The following SYNE2 variants were observed in gnomAD, a reference collection of about 807,000 sequenced individuals.
SYNE2 encodes the protein spectrin repeat containing nuclear envelope protein 2.
Under a neutral mutation model 856.3 loss-of-function variants are expected in SYNE2, and 431 were observed. The observed-to-expected ratio is 0.50, with a 90% CI of 0.47 to 0.55. The LOEUF (loss-of-function observed/expected upper bound fraction) is 0.55, where lower values mean the gene tolerates loss of function less well. SYNE2 is among the 20% of genes least tolerant of loss of function. The probability of loss-of-function intolerance (pLI) is 0.00; values close to 1 mark genes in which losing one functional copy is unlikely to be tolerated. For missense variants in SYNE2, 8,129 were observed against 8,023.2 expected (o/e 1.01, Z -0.50); for synonymous variants, 2,923 against 2,872.3 (o/e 1.02, Z -0.56).
intron 64 of SYNE2, among the ~76,000 whole-genome samples, chr14:64,103,971 C>A (rs2097754931): frequency 6.6e-6 from 1 of 152,220 alleles, no homozygotes; most frequent in Non-Finnish European, 1.5e-5. Context: ...TATGACTTAG[C>A]ACATTTTTAT....
upstream of SYNE2, among the ~76,000 whole-genome samples, chr14:63,851,589 G>A (rs2139962608): frequency 6.6e-6 from 1 of 152,268 alleles, no homozygotes; most frequent in East Asian, 1.9e-4. Context: ...GAATCATCCT[G>A]GTAGTCACAG....
At chr14:64,178,026 A>G (rs1170120710) in intron 96 of SYNE2, among the ~76,000 whole-genome samples, 2 of 152,208 alleles carry the variant, frequency 1.3e-5, no homozygotes, top group African/African-American at 4.8e-5. Context: ...GGGCCAGGAA[A>G]ATTCCCAGGT....
Position 64,010,057 on chromosome 14 carries a change from GTCA to G in SYNE2, c.4672_4674del (p.Ile1558del), listed in dbSNP as rs2096831490. 1 of 1,614,042 alleles carries G rather than the reference GTCA, an allele frequency of 6.2e-7. No individual in the cohort carries two copies. The highest frequency in any genetic ancestry group is 8.5e-7 in the Non-Finnish European group (1 of 1,179,960). On this transcript the variant is annotated inframe_deletion, in exon 32 of 116. Coordinates refer to ENST00000555002, the MANE Select transcript of SYNE2 (RefSeq NM_182914.3). ...AACTTTGATTCAAAAAGAAGAGAGT[GTCA>G]TCTCCCTGCAGGCTTCGTACATGGG...
chr14:63,954,664 G>T, intron 7 of SYNE2, 55 bp from the exon 8 acceptor site: 1 of 1,469,616 alleles, frequency 6.8e-7, no homozygotes, highest in Non-Finnish European at 9.5e-7. Context: ...ATAGTGGAGG[G>T]GGGTGTTACG....
chr14:64,125,346 A>C, intron 71 of SYNE2, 136 bp downstream of exon 71: 3 of 1,292,500 alleles, frequency 2.3e-6, no homozygotes, highest in Non-Finnish European at 3.2e-6. Flanking sequence ...AGGATTGCAA[A>C]TTGAATTGAT....
chr14:64,191,515 A>G (rs2098518738), intron 99 of SYNE2, among the ~76,000 whole-genome samples: 1 of 152,178 alleles, frequency 6.6e-6, no homozygotes, highest in Non-Finnish European at 1.5e-5. Context: ...ACAGGTACAG[A>G]ATAGAGCAGC....
chr14:63,824,227 T>TA (rs765564363), intron 1 of SYNE2, among the ~76,000 whole-genome samples: 4 of 152,066 alleles, frequency 2.6e-5, no homozygotes, highest in Non-Finnish European at 5.9e-5. Context: ...TAGTCCCAGC[T>TA]ACTTGGGAGG....
chr14:63,925,628 A>G (rs1333741011), intron 2 of SYNE2, among the ~76,000 whole-genome samples: 1 of 152,082 alleles, frequency 6.6e-6, no homozygotes, highest in African/African-American at 2.4e-5. Context: ...TTTTGCACCC[A>G]TTAACTATCT....
chr14:64,063,121 G>T (rs1297481819), intron 50 of SYNE2, among the ~76,000 whole-genome samples: 1 of 152,190 alleles, frequency 6.6e-6, no homozygotes, highest in Non-Finnish European at 1.5e-5. Context: ...TTGGCTCACT[G>T]CAGCTTCTAC....
intron 94 of SYNE2, among the ~76,000 whole-genome samples, chr14:64,171,874 G>A (rs537325514): frequency 2.0e-5 from 3 of 152,010 alleles, no homozygotes; most frequent in East Asian, 1.9e-4. Context: ...TTTTTGGGAC[G>A]GAGTCTCACT....
rs147797429 is a variant in SYNE2 at position 63,930,533 on chromosome 14, C to CTTT, written c.80-10066_80-10064dup. Among the ~76,000 whole-genome samples the CTTT allele has an allele frequency of 7.4e-3, 953 of 128,484 alleles. 7 individuals carry two copies. The highest frequency in any genetic ancestry group is 0.027 in the African/African-American group (771 of 28,468). 84.3% of individuals were successfully genotyped at this position (128,484 alleles called of 152,430 possible). A position where few individuals can be genotyped will look rare whatever the true frequency, so the allele number is the denominator to read the frequency against. ...ATCACTATCCTTTATCATTATCCTT[C>CTTT]TTTTTTTTTTTTTTTTTAAAGACAG... On this transcript the variant is annotated intron_variant, in intron 2 of 115. Coordinates refer to ENST00000555002, the MANE Select transcript of SYNE2 (RefSeq NM_182914.3).
intron 37 of SYNE2, 55 bp downstream of exon 37, chr14:64,022,083 G>A: frequency 6.5e-7 from 1 of 1,540,754 alleles, no homozygotes. Flanking sequence ...TATGAATGTA[G>A]TACTGTGAAC....
intron 45 of SYNE2, among the ~76,000 whole-genome samples, chr14:64,038,635 GCTGGAGACCAGCC>G (rs1274819704): frequency 3.3e-5 from 5 of 152,252 alleles, no homozygotes; most frequent in African/African-American, 1.2e-4. Flanking sequence ...GCGGTTAGGA[GCTGGAGACCAGCC>G]CGGCCAACAC....
Position 64,051,648 on chromosome 14 carries a change from A to T in SYNE2, c.7735A>T (p.Ile2579Phe), listed in dbSNP as rs2097228007. 4 of 1,614,190 alleles carry T rather than the reference A, an allele frequency of 2.5e-6. No homozygotes were observed. Among genetic ancestry groups the T allele is most frequent in the Non-Finnish European group, 3.4e-6 (4 of 1,180,018 alleles). ...KEKDSLGNLKIKWENLSNHVT... is the reference protein window; with the variant it reads ...KEKDSLGNLKFKWENLSNHVT... ...GAAAGATTCTTTAGGCAACTTGAAA[A>T]TCAAATGGGAGAATTTATCAAACCA... Residue 2579 changes from isoleucine (I) to phenylalanine (F), a missense_variant, in exon 48 of 116, where the codon ATC becomes TTC. Ile to Phe is a conservative substitution (Grantham distance 21). This residue lies in a region of SYNE2 where 5,410 missense variants were observed against 5,284.8 expected (regional missense o/e 1.02). Coordinates refer to ENST00000555002, the MANE Select transcript of SYNE2 (RefSeq NM_182914.3).
chr14:64,023,004 G>GT (rs1567079015), intron 38 of SYNE2, 141 bp downstream of exon 38: 1 of 637,980 alleles, frequency 1.6e-6, no homozygotes, highest in African/African-American at 1.8e-5. Flanking sequence ...TGAGGCTGGT[G>GT]GATCACTTGA....
Position 64,025,380 on chromosome 14 carries a change from G to A in SYNE2, c.6211G>A (p.Glu2071Lys), listed in dbSNP as rs551783338. 2.5e-6 allele frequency: 4 copies of A among 1,613,596 alleles called. No individual in the cohort carries two copies. Among genetic ancestry groups the A allele is most frequent in the Middle Eastern group, 1.7e-4 (1 of 6,058 alleles). ...KESLMVLNSSEGKMPLEERIQ... is the reference protein window; with the variant it reads ...KESLMVLNSSKGKMPLEERIQ... ...GTCCCTTATGGTTTTGAATTCATCCGAAGGCAAAATGCCACTTGAGGAAAG... is the reference window on the plus strand; with the variant it reads ...GTCCCTTATGGTTTTGAATTCATCCAAAGGCAAAATGCCACTTGAGGAAAG... Residue 2071 changes from glutamate to lysine, a missense_variant, in exon 41 of 116, where the codon GAA (glutamate) becomes AAA (lysine). Around this residue, in one of 3 missense-constraint regions of SYNE2, gnomAD observed 297 missense variants for 380.9 expected, o/e 0.78. Coordinates refer to ENST00000555002, the MANE Select transcript of SYNE2 (RefSeq NM_182914.3).
intron 114 of SYNE2, 51 bp downstream of exon 114, chr14:64,224,598 C>G (rs377489745): frequency 4.6e-4 from 736 of 1,600,012 alleles, no homozygotes; most frequent in Non-Finnish European, 6.2e-4. Context: ...TTTTTAAAGT[C>G]ACTAAGATGA....
rs1376897548 is a variant in SYNE2, at chr14:64,210,082, C to G, written c.18681C>G (p.Asp6227Glu). The change falls in exon 103 of 116, where the codon GAC (aspartate) becomes GAG (glutamate). Residue 6227 changes from aspartate to glutamate, a missense_variant. Physicochemically the swap from Asp to Glu is conservative, Grantham distance 45. Transcript: ENST00000555002. ...TCCACGAGGGCAACCAGCGCTGGGACAACCTTCAGAGGCGGGTCACAGCCG... is the reference window on the plus strand; with the variant it reads ...TCCACGAGGGCAACCAGCGCTGGGAGAACCTTCAGAGGCGGGTCACAGCCG... The part of the protein sequence containing the change: ...QMVHEGNQRW[D>E]NLQRRVTAVL... 3.1e-6 allele frequency: 5 copies of G among 1,614,100 alleles called. No individual in the cohort carries two copies. Among genetic ancestry groups the G allele is most frequent in the Admixed American group, 1.7e-5 (1 of 60,022 alleles).
At chr14:64,084,979 C>T in intron 57 of SYNE2, 1 of 702,366 alleles carries the variant, frequency 1.4e-6, no homozygotes, top group Non-Finnish European at 2.6e-6. Flanking sequence ...ACGTGGGCTC[C>T]TCCAGGAGTC....
Sources: gnomAD v4.1 joint callset for allele counts (sites outside exome capture counted in the v4.1 genomes callset) on GRCh38, gnomAD v4.1.1 for gene constraint, gnomAD v4.1.1 regional missense constraint, MANE v1.5 for transcripts, NCBI Gene and HGNC (gene_info 2026-07-23, HGNC 2026-07-21) for gene names.